The following ST7 variants were observed in gnomAD, a reference collection of about 807,000 sequenced individuals.
The protein encoded by ST7 is suppressor of tumorigenicity 7 protein.
A neutral mutation model predicts 78.7 loss-of-function variants in ST7; 28 were observed. The observed-to-expected ratio is 0.36, with a 90% CI of 0.26 to 0.49. The LOEUF is 0.49. Among genes scored for constraint, ST7 ranks in the 20% least tolerant of loss-of-function variants. The pLI is 0.99. For synonymous variants in ST7, 247 were observed against 249.6 expected, an observed-to-expected ratio of 0.99 and a Z score of 0.10; for missense variants, 418 against 696.0, an observed-to-expected ratio of 0.60 and a Z score of 4.49.
chr7:117,085,231 G>C (rs1800050107), intron 1 of ST7, among the ~76,000 whole-genome samples: 1 of 152,054 alleles, frequency 6.6e-6, no homozygotes, highest in Admixed American at 6.5e-5. Context: ...GGATTTTTTT[G>C]AATATTTCTT....
intron 2 of ST7, among the ~76,000 whole-genome samples, chr7:117,109,750 A>G (rs1336663599): frequency 1.3e-5 from 2 of 152,226 alleles, no homozygotes; most frequent in Non-Finnish European, 2.9e-5. Flanking sequence ...AAATAAAACT[A>G]CAGATCAATA....
intron 1 of ST7, among the ~76,000 whole-genome samples, chr7:117,001,168 G>A (rs1049852858): frequency 1.1e-4 from 17 of 152,170 alleles, no homozygotes; most frequent in Non-Finnish European, 2.2e-4. Context: ...CTGTGCTGCC[G>A]ATGAAGGGAA....
chr7:117,188,679 G>A (rs1268556242), intron 10 of ST7, among the ~76,000 whole-genome samples: 1 of 151,998 alleles, frequency 6.6e-6, no homozygotes, highest in Non-Finnish European at 1.5e-5. Context: ...TTTATGATAG[G>A]TTTTCATGAG....
intron 1 of ST7, among the ~76,000 whole-genome samples, chr7:117,051,958 CAT>C (rs1208836189): frequency 6.6e-6 from 1 of 152,190 alleles, no homozygotes; most frequent in Non-Finnish European, 1.5e-5. Context: ...TAGCCACCCA[CAT>C]GTTTTTATTC....
At chr7:117,210,463 A>G (rs145691469) in intron 13 of ST7, among the ~76,000 whole-genome samples, 15 of 152,290 alleles carry the variant, frequency 9.8e-5, no homozygotes, top group African/African-American at 3.6e-4. Context: ...GTATTAACGG[A>G]TAAATGCTGG....
At chr7:117,195,141 T>A (rs1179314679) in intron 12 of ST7, among the ~76,000 whole-genome samples, 2 of 146,754 alleles carry the variant, frequency 1.4e-5, no homozygotes, top group East Asian at 3.9e-4. Context: ...ATATTTTAAA[T>A]ACTTTTACTA....
intron 1 of ST7, among the ~76,000 whole-genome samples, chr7:116,975,630 A>C (rs1443745521): frequency 2.0e-5 from 3 of 149,462 alleles, no homozygotes; most frequent in African/African-American, 7.4e-5. Flanking sequence ...CTGGTCTTGA[A>C]CTCCTGACCT....
chr7:116,991,642 A>C (rs565527617), intron 1 of ST7, among the ~76,000 whole-genome samples: 4 of 152,186 alleles, frequency 2.6e-5, no homozygotes, highest in Non-Finnish European at 5.9e-5. Flanking sequence ...GGGTGGGGAC[A>C]CAGAGCCAAA....
chr7:117,065,476 TG>T (rs1251931987), intron 1 of ST7, among the ~76,000 whole-genome samples: 1 of 152,202 alleles, frequency 6.6e-6, no homozygotes, highest in Non-Finnish European at 1.5e-5. Flanking sequence ...CCCAAATTGC[TG>T]GGATTACAGG....
chr7:117,004,363 A>C (rs969908486), intron 1 of ST7, among the ~76,000 whole-genome samples: 1 of 152,238 alleles, frequency 6.6e-6, no homozygotes, highest in East Asian at 1.9e-4. Flanking sequence ...GAGAGAAAGC[A>C]TGAAATGTTC....
At chr7:117,100,143 A>C (rs1406749914) in intron 2 of ST7, among the ~76,000 whole-genome samples, 1 of 152,216 alleles carries the variant, frequency 6.6e-6, no homozygotes, top group Non-Finnish European at 1.5e-5. Context: ...TATCTAAGAT[A>C]TTGTAAAATA....
chr7:116,959,933 A>G (rs1340581431), intron 1 of ST7: 4 of 153,574 alleles, frequency 2.6e-5, no homozygotes, highest in Non-Finnish European at 5.9e-5. Context: ...TGCAAAGTGT[A>G]GCACCAAGAT....
chr7:117,034,592 A>C (rs1056474840), intron 1 of ST7, among the ~76,000 whole-genome samples: 4 of 152,210 alleles, frequency 2.6e-5, no homozygotes, highest in African/African-American at 9.6e-5. Context: ...TAATGGTATC[A>C]TATTTTAACT....
At chr7:117,101,752 C>G (rs1372818142) in intron 2 of ST7, among the ~76,000 whole-genome samples, 1 of 152,170 alleles carries the variant, frequency 6.6e-6, no homozygotes, top group Admixed American at 6.5e-5. Context: ...AAGCAGCCAA[C>G]TCCAGAAACC....
At chr7:117,070,025 G>A (rs1213685268) in intron 1 of ST7, among the ~76,000 whole-genome samples, 2 of 152,176 alleles carry the variant, frequency 1.3e-5, no homozygotes, top group East Asian at 3.8e-4. Context: ...GAAAGGCATG[G>A]CATGTTTAAA....
chr7:117,068,387 A>G (rs1440928848), intron 1 of ST7, among the ~76,000 whole-genome samples: 1 of 152,262 alleles, frequency 6.6e-6, no homozygotes, highest in Non-Finnish European at 1.5e-5. Flanking sequence ...CAAATTAACT[A>G]GCAATGGCTA....
At chr7:116,953,939 G>GCGGGCCGGGCCGGGC (rs568179872) in intron 1 of ST7, 1 of 152,078 alleles carries the variant, frequency 6.6e-6, no homozygotes, top group African/African-American at 2.4e-5. Context: ...AGCCCGCAAG[G>GCGGGCCGGGCCGGGC]CGGGCCGGGC....
chr7:116,955,874 AGAT>A (rs781373556), intron 1 of ST7, among the ~76,000 whole-genome samples: 8 of 152,188 alleles, frequency 5.3e-5, no homozygotes, highest in Non-Finnish European at 1.0e-4. Context: ...GAAAATATGA[AGAT>A]GAACGTGCCA....
intron 1 of ST7, among the ~76,000 whole-genome samples, chr7:116,991,674 C>T (rs1412020637): frequency 6.6e-6 from 1 of 152,134 alleles, no homozygotes; most frequent in Non-Finnish European, 1.5e-5. Context: ...CACCTCTGGC[C>T]TCTCCAAATT....
Sources: gnomAD v4.1 joint callset for allele counts (sites outside exome capture counted in the v4.1 genomes callset) on GRCh38, gnomAD v4.1.1 for gene constraint, MANE v1.5 for transcripts, NCBI Gene and HGNC (gene_info 2026-07-23, HGNC 2026-07-21) for gene names.